Variants in ZNRF3 observed in about 807,000 individuals in gnomAD.
ZNRF3 encodes the protein zinc and ring finger 3, also known as E3 ubiquitin-protein ligase ZNRF3.
Under a neutral mutation model 72.5 loss-of-function variants are expected in ZNRF3, and 23 were observed. The observed-to-expected ratio is 0.32, with a 90% CI of 0.23 to 0.45. The LOEUF (loss-of-function observed/expected upper bound fraction) is 0.45. ZNRF3 is among the 20% of genes least tolerant of loss of function. The pLI, the probability that ZNRF3 is intolerant of heterozygous loss-of-function variation, is 1.00. For missense variants in ZNRF3, 1,169 were observed against 1,272.1 expected (o/e 0.92, Z 1.23); for synonymous variants, 610 against 545.3 (o/e 1.12, Z -1.65).
At chr22:28,908,948 G>A (rs766380743) in intron 1 of ZNRF3, among the ~76,000 whole-genome samples, 9 of 152,132 alleles carry the variant, frequency 5.9e-5, no homozygotes, top group African/African-American at 1.9e-4. Flanking sequence ...CCAGGCTGGC[G>A]TGTAGTGGCA....
At chr22:28,899,648 C>T (rs959866833) in intron 1 of ZNRF3, among the ~76,000 whole-genome samples, 1 of 151,466 alleles carries the variant, frequency 6.6e-6, no homozygotes, top group African/African-American at 2.4e-5. Flanking sequence ...ACTATGTGCT[C>T]AGATAGCATG....
chr22:28,941,921 C>T (rs2034954654), intron 1 of ZNRF3, among the ~76,000 whole-genome samples: 1 of 152,178 alleles, frequency 6.6e-6, no homozygotes, highest in Non-Finnish European at 1.5e-5. Context: ...TGCCATTGCA[C>T]TCCAGCCTGG....
At chr22:28,954,383 A>G (rs117979429) in intron 1 of ZNRF3, among the ~76,000 whole-genome samples, 97 of 152,224 alleles carry the variant, frequency 6.4e-4, no homozygotes, top group Non-Finnish European at 1.3e-3. Context: ...TTAGAAGGGT[A>G]CTAATCTCAT....
intron 2 of ZNRF3, among the ~76,000 whole-genome samples, chr22:29,037,747 G>A (rs1464549715): frequency 6.6e-6 from 1 of 152,218 alleles, no homozygotes; most frequent in Non-Finnish European, 1.5e-5. Context: ...TCAGCACTCT[G>A]CACTGGGTTT....
chr22:28,984,745 T>C (rs980916959), intron 1 of ZNRF3, among the ~76,000 whole-genome samples: 2 of 152,202 alleles, frequency 1.3e-5, no homozygotes, highest in South Asian at 2.1e-4. Flanking sequence ...GCTCATCCTT[T>C]TTCTAGTTGG....
intron 1 of ZNRF3, among the ~76,000 whole-genome samples, chr22:28,911,926 A>G (rs1268990599): frequency 6.6e-6 from 1 of 152,164 alleles, no homozygotes; most frequent in Non-Finnish European, 1.5e-5. Flanking sequence ...GCTTCCCCCA[A>G]ATGAATGAGG....
At chr22:29,020,635 A>G (rs2036516725) in intron 2 of ZNRF3, among the ~76,000 whole-genome samples, 1 of 152,016 alleles carries the variant, frequency 6.6e-6, no homozygotes, top group African/African-American at 2.4e-5. Flanking sequence ...ACCCACTGAT[A>G]AGGAGGGCCG....
At chr22:28,974,070 G>A (rs528076456) in intron 1 of ZNRF3, among the ~76,000 whole-genome samples, 7 of 145,104 alleles carry the variant, frequency 4.8e-5, no homozygotes, top group African/African-American at 7.6e-5. Flanking sequence ...CCATCCTCCC[G>A]CCTCAGCCTC....
chr22:28,977,374 G>A (rs550031517), intron 1 of ZNRF3, among the ~76,000 whole-genome samples: 2 of 152,230 alleles, frequency 1.3e-5, no homozygotes, highest in Non-Finnish European at 1.5e-5. Context: ...AAAAGGTTTA[G>A]GCTCTTTGTT....
chr22:28,957,150 G>A (rs1032084352), intron 1 of ZNRF3, among the ~76,000 whole-genome samples: 1 of 152,154 alleles, frequency 6.6e-6, no homozygotes, highest in Non-Finnish European at 1.5e-5. Flanking sequence ...TTATGGTTTC[G>A]AGCCAGGACA....
At chr22:29,017,038 C>A (rs1450249950) in intron 2 of ZNRF3, among the ~76,000 whole-genome samples, 6 of 152,212 alleles carry the variant, frequency 3.9e-5, no homozygotes, top group Admixed American at 3.9e-4. Context: ...GGCCCAGCCT[C>A]TGGAGTATAC....
chr22:28,923,597 C>T (rs1225007592), intron 1 of ZNRF3, among the ~76,000 whole-genome samples: 1 of 152,012 alleles, frequency 6.6e-6, no homozygotes, highest in African/African-American at 2.4e-5. Flanking sequence ...ATATACTCAC[C>T]ATCACCCAAA....
chr22:28,884,114 C>G, intron 1 of ZNRF3, 48 bp downstream of exon 1: 1 of 1,078,074 alleles, frequency 9.3e-7, no homozygotes, highest in African/African-American at 1.7e-5. Context: ...CACAAGATGG[C>G]TCCGGGGGCT....
At chr22:29,037,721 C>T (rs752302660) in intron 2 of ZNRF3, among the ~76,000 whole-genome samples, 5 of 152,272 alleles carry the variant, frequency 3.3e-5, no homozygotes, top group South Asian at 2.1e-4. Flanking sequence ...ATAAAAGGAC[C>T]GTGGCAATCT....
At position 29,049,864 on chromosome 22, in the gene ZNRF3, C is replaced by A. The variant is rs201611146; in HGVS notation, c.1683C>A (p.His561Gln). 3.1e-4 allele frequency: 500 copies of A among 1,606,090 alleles called. No individual in the cohort carries two copies. The highest frequency in any genetic ancestry group is 4.2e-4 in the Non-Finnish European group (488 of 1,175,834). The change falls in exon 8 of 9, where the codon CAC becomes CAA. Residue 561 changes from histidine to glutamine, a missense_variant. By Grantham distance (24) the His-to-Gln change is conservative (BLOSUM62 0). Transcript: ENST00000544604. This position sits in a 1 kb window ranked among gnomAD's most constrained non-coding sequence, Gnocchi z 5.2. ...GCAGCAGCAGCTCCGGCCAGTGCCACTGTTCCTCCAGTGACTCTGTGGTAG... is the reference window on the plus strand; with the variant it reads ...GCAGCAGCAGCTCCGGCCAGTGCCAATGTTCCTCCAGTGACTCTGTGGTAG... ...SSSSSSSGQC[H>Q]CSSSDSVVDC... is the part of the protein sequence containing the mutation.
At chr22:29,004,524 T>G (rs1196681873) in intron 2 of ZNRF3, among the ~76,000 whole-genome samples, 2 of 152,330 alleles carry the variant, frequency 1.3e-5, no homozygotes, top group East Asian at 3.9e-4. Flanking sequence ...CACGCCAGTC[T>G]AGGTGGCCCC....
intron 1 of ZNRF3, among the ~76,000 whole-genome samples, chr22:28,935,652 C>A (rs899921766): frequency 6.6e-6 from 1 of 152,214 alleles, no homozygotes; most frequent in Non-Finnish European, 1.5e-5. Flanking sequence ...TTGGATCAGC[C>A]TGCTGCCTTC....
intron 2 of ZNRF3, among the ~76,000 whole-genome samples, chr22:29,019,105 G>T (rs1176067725): frequency 1.3e-5 from 2 of 151,700 alleles, no homozygotes; most frequent in Non-Finnish European, 2.9e-5. Context: ...AGTTCTCAGG[G>T]TTCCCAGCCG....
At chr22:29,032,322 CA>C (rs2036777774) in intron 2 of ZNRF3, among the ~76,000 whole-genome samples, 1 of 152,180 alleles carries the variant, frequency 6.6e-6, no homozygotes, top group Non-Finnish European at 1.5e-5. Flanking sequence ...ACAAACACTG[CA>C]AGTGGTTGGG....
Sources: gnomAD v4.1 joint callset for allele counts (sites outside exome capture counted in the v4.1 genomes callset) on GRCh38, gnomAD v4.1.1 for gene constraint, Gnocchi (gnomAD v3.1) non-coding constraint, MANE v1.5 for transcripts, NCBI Gene and HGNC (gene_info 2026-07-23, HGNC 2026-07-21) for gene names.